CDYL2: variants seen among roughly 807,000 people sequenced by gnomAD.
CDYL2 encodes chromodomain Y-like protein 2.
Under a neutral mutation model 49.4 loss-of-function variants are expected in CDYL2, and 23 were observed. The ratio of observed to expected loss-of-function variants is 0.47; its 90% CI spans 0.34 to 0.66. The LOEUF is 0.66. Ranked by LOEUF, CDYL2 falls within the 30% of genes least tolerant of loss-of-function variation. The pLI is 0.01. For missense variants in CDYL2, 678 were observed against 656.4 expected, an observed-to-expected ratio of 1.03 and a Z score of -0.36; for synonymous variants, 360 against 268.8, an observed-to-expected ratio of 1.34 and a Z score of -3.32.
rs147889470 is a variant in CDYL2, at chr16:80,734,381, G to C, written c.25-49252C>G. Among the ~76,000 whole-genome samples, 739 of 152,262 alleles carry C rather than the reference G, an allele frequency of 4.9e-3. 6 individuals carry two copies. Among genetic ancestry groups the C allele is most frequent in the African/African-American group, 0.016 (666 of 41,542 alleles). ...TGAGGAACACTTTCCATAGGCACGA[G>C]GTTGAGATAGTTAAGACAGATCCAT... is the stretch of plus-strand genomic sequence containing the variant. On this transcript the variant is annotated intron_variant, in intron 1 of 6. Coordinates refer to ENST00000570137, the MANE Select transcript of CDYL2 (RefSeq NM_152342.4).
intron 1 of CDYL2, among the ~76,000 whole-genome samples, chr16:80,763,623 AT>A (rs1567599237): frequency 1.3e-5 from 2 of 152,012 alleles, no homozygotes; most frequent in African/African-American, 4.8e-5. Flanking sequence ...AAACAAAAAA[AT>A]AACAAAAAAA....
chr16:80,712,136 T>A (rs1904628752), intron 1 of CDYL2, among the ~76,000 whole-genome samples: 1 of 147,804 alleles, frequency 6.8e-6, no homozygotes, highest in South Asian at 2.1e-4. Flanking sequence ...TATATGTGTG[T>A]ACATATATGT....
At chr16:80,683,796 G>A (rs927087173) in intron 2 of CDYL2, among the ~76,000 whole-genome samples, 7 of 152,156 alleles carry the variant, frequency 4.6e-5, no homozygotes, top group Non-Finnish European at 1.0e-4. Context: ...TATCATGTGA[G>A]GACACAGAAG....
chr16:80,684,450 G>A, intron 2 of CDYL2, 88 bp downstream of exon 2: 2 of 1,204,928 alleles, frequency 1.7e-6, no homozygotes, highest in South Asian at 1.5e-5. Flanking sequence ...GATGGAGGTG[G>A]GGGTCTTATG....
chr16:80,764,591 G>A (rs947374558), intron 1 of CDYL2, among the ~76,000 whole-genome samples: 2 of 151,962 alleles, frequency 1.3e-5, no homozygotes, highest in Non-Finnish European at 2.9e-5. Context: ...CCATGGGAAA[G>A]AATATAGAGG....
intron 2 of CDYL2, among the ~76,000 whole-genome samples, chr16:80,663,362 G>T (rs549373669): frequency 2.0e-5 from 3 of 151,766 alleles, no homozygotes; most frequent in Admixed American, 6.6e-5. Context: ...CTAGTCCCAT[G>T]TACAGAATCC....
At chr16:80,730,848 C>G (rs565250756) in intron 1 of CDYL2, among the ~76,000 whole-genome samples, 1 of 152,084 alleles carries the variant, frequency 6.6e-6, no homozygotes, top group Non-Finnish European at 1.5e-5. Flanking sequence ...AGAAGCCAGA[C>G]AAAAGGGAGC....
intron 1 of CDYL2, among the ~76,000 whole-genome samples, chr16:80,687,618 G>C (rs905894125): frequency 6.6e-6 from 1 of 152,162 alleles, no homozygotes; most frequent in Admixed American, 6.5e-5. Flanking sequence ...GGTGGGGACA[G>C]AAGTGGGTTC....
chr16:80,662,392 A>C (rs545179677), intron 2 of CDYL2, among the ~76,000 whole-genome samples: 64 of 152,164 alleles, frequency 4.2e-4, no homozygotes, highest in Non-Finnish European at 8.7e-4. Context: ...ACTTGCTAAA[A>C]GTCCCCTACT....
intron 1 of CDYL2, among the ~76,000 whole-genome samples, chr16:80,717,263 C>T (rs1567583134): frequency 6.6e-6 from 1 of 152,200 alleles, no homozygotes; most frequent in African/African-American, 2.4e-5. Flanking sequence ...GCAGCTTCAC[C>T]TTCAGGAGCT....
At chr16:80,774,872 G>T (rs949749425) in intron 1 of CDYL2, among the ~76,000 whole-genome samples, 1 of 150,308 alleles carries the variant, frequency 6.7e-6, no homozygotes, top group Non-Finnish European at 1.5e-5. Flanking sequence ...AGGAGAAAAG[G>T]CATAGAAACT....
At chr16:80,710,678 G>A (rs771249367) in intron 1 of CDYL2, among the ~76,000 whole-genome samples, 11 of 152,048 alleles carry the variant, frequency 7.2e-5, no homozygotes, top group East Asian at 3.9e-4. Context: ...GTATTGTCAC[G>A]ATAGGATTGA....
chr16:80,617,960 G>C (rs980776877), intron 4 of CDYL2, among the ~76,000 whole-genome samples: 5 of 152,150 alleles, frequency 3.3e-5, no homozygotes, highest in Admixed American at 2.6e-4. Flanking sequence ...AAATAACTCA[G>C]AGTCCCCTGG....
intron 3 of CDYL2, among the ~76,000 whole-genome samples, chr16:80,621,509 T>C (rs4889170): frequency 6.6e-6 from 1 of 152,172 alleles, no homozygotes; most frequent in Non-Finnish European, 1.5e-5. Context: ...TGCACCTTAC[T>C]AGCCATGGGA....
At chr16:80,796,443 C>A (rs1369827148) in intron 1 of CDYL2, among the ~76,000 whole-genome samples, 1 of 152,240 alleles carries the variant, frequency 6.6e-6, no homozygotes, top group East Asian at 1.9e-4. Flanking sequence ...CCATCATCTT[C>A]TTTCCACCTT....
chr16:80,677,738 CA>C (rs1157566078), intron 2 of CDYL2, among the ~76,000 whole-genome samples: 2 of 136,706 alleles, frequency 1.5e-5, no homozygotes, highest in African/African-American at 5.2e-5. Context: ...GACTCCATCT[CA>C]AAAAAATAAA....
intron 2 of CDYL2, among the ~76,000 whole-genome samples, chr16:80,669,710 A>C (rs969831040): frequency 6.6e-6 from 1 of 152,154 alleles, no homozygotes; most frequent in Non-Finnish European, 1.5e-5. Context: ...GCCCCCACTG[A>C]AAGCAGAGCC....
At chr16:80,715,961 A>T (rs534480006) in intron 1 of CDYL2, among the ~76,000 whole-genome samples, 1 of 152,358 alleles carries the variant, frequency 6.6e-6, no homozygotes, top group African/African-American at 2.4e-5. Context: ...CCCAAAACCC[A>T]GCTCTGTCGC....
intron 4 of CDYL2, among the ~76,000 whole-genome samples, chr16:80,615,929 C>T (rs970189641): frequency 3.9e-5 from 6 of 152,212 alleles, no homozygotes; most frequent in African/African-American, 1.4e-4. Context: ...CAGGATATTG[C>T]ATTACGGGCC....
Sources: allele counts gnomAD v4.1 joint callset (sites outside exome capture counted in the v4.1 genomes callset), GRCh38; gene constraint gnomAD v4.1.1; transcripts MANE v1.5; gene names NCBI Gene and HGNC (gene_info 2026-07-23, HGNC 2026-07-21).